Variants in A2M observed in about 807,000 individuals in gnomAD.
A2M encodes alpha-2-macroglobulin, also known as C3 and PZP-like alpha-2-macroglobulin domain-containing protein 5.
In A2M, 128 loss-of-function variants were observed where a neutral mutation model predicts 183.9. That is an observed-to-expected ratio of 0.70 (90% CI 0.60 to 0.81). A2M has a LOEUF of 0.81. Ranked by LOEUF, A2M falls within the 30% of genes least tolerant of loss-of-function variation. The pLI is 0.00. For synonymous variants in A2M, 592 were observed against 670.8 expected (o/e 0.88, Z 1.81); for missense variants, 1,495 against 1,787.6 (o/e 0.84, Z 2.95).
At chr12:9,067,928 G>T (rs1948444691) in intron 35 of A2M, 89 bp from the exon 36 acceptor site, 5 of 1,285,770 alleles carry the variant, frequency 3.9e-6, no homozygotes, top group Non-Finnish European at 5.6e-6. Context: ...GTAGCATAGT[G>T]CCCAAGGAAA....
At chr12:9,103,659 C>A (rs226392) in intron 11 of A2M, among the ~76,000 whole-genome samples, 1 of 151,980 alleles carries the variant, frequency 6.6e-6, no homozygotes, top group Non-Finnish European at 1.5e-5. Context: ...GTGAATCATA[C>A]AGTATTGGTC....
chr12:9,095,027 GTGGACACATTT>G lies in A2M; in HGVS notation c.2060_2070del (p.Lys687ThrfsTer6). 6.3e-7 allele frequency: 1 copy of G among 1,597,732 alleles called. No homozygotes were observed. Among genetic ancestry groups the G allele is most frequent in the Non-Finnish European group, 8.5e-7 (1 of 1,171,074 alleles). ...CCATGCATTTCATACTGTTGAAGCT[GTGGACACATTT>G]TGGGTTTACGAATCTTTGAGTTGGT... On this transcript the variant is annotated frameshift_variant, in exon 17 of 36. Transcript: ENST00000318602. LOFTEE classifies it high-confidence loss of function.
intron 15 of A2M, among the ~76,000 whole-genome samples, chr12:9,096,217 C>A (rs959343249): frequency 3.3e-5 from 5 of 152,098 alleles, no homozygotes; most frequent in Admixed American, 1.3e-4. Context: ...TTAGGAAAAA[C>A]CAAACACTCC....
chr12:9,087,049 A>G (rs1159014703), intron 22 of A2M, among the ~76,000 whole-genome samples: 1 of 152,234 alleles, frequency 6.6e-6, no homozygotes, highest in East Asian at 1.9e-4. Context: ...TATAAACAAT[A>G]TGTAGAAATA....
At chr12:9,087,520 A>T (rs1288626302) in intron 22 of A2M, among the ~76,000 whole-genome samples, 2 of 152,160 alleles carry the variant, frequency 1.3e-5, no homozygotes, top group African/African-American at 4.8e-5. Flanking sequence ...AGTAAAAGGA[A>T]GGTGGTGTTC....
intron 2 of A2M, chr12:9,112,813 T>C (rs1938841420): frequency 2.4e-6 from 1 of 409,222 alleles, no homozygotes; most frequent in South Asian, 3.1e-5. Flanking sequence ...AATTATACGC[T>C]GAGCTTTACC....
chr12:9,079,579 C>G, intron 24 of A2M, 60 bp downstream of exon 24: 1 of 1,499,350 alleles, frequency 6.7e-7, no homozygotes, highest in Non-Finnish European at 9.2e-7. Flanking sequence ...TAACTGAAAC[C>G]TACTGGGAAA....
chr12:9,091,494 A>C, intron 18 of A2M, 65 bp from the exon 19 acceptor site: 1 of 1,495,752 alleles, frequency 6.7e-7, no homozygotes, highest in African/African-American at 1.4e-5. Flanking sequence ...TAGGGAGAGA[A>C]TCCCTAGGAA....
intron 22 of A2M, among the ~76,000 whole-genome samples, chr12:9,085,004 C>A (rs1038153167): frequency 1.4e-4 from 22 of 152,036 alleles, no homozygotes; most frequent in African/African-American, 5.3e-4. Flanking sequence ...CTATACATAT[C>A]CAACATTGGA....
intron 22 of A2M, among the ~76,000 whole-genome samples, chr12:9,084,899 C>T (rs1432366641): frequency 6.6e-6 from 1 of 151,984 alleles, no homozygotes. Context: ...TTCAACAAAA[C>T]AGACTTAAAG....
intron 29 of A2M, 39 bp downstream of exon 29, chr12:9,074,521 A>G: frequency 6.5e-7 from 1 of 1,534,162 alleles, no homozygotes; most frequent in South Asian, 1.2e-5. Flanking sequence ...ATCTTTTGCT[A>G]CCTGAAGGTG....
chr12:9,104,369 A>G lies in A2M; in HGVS notation c.1136T>C (p.Ile379Thr). 1 of 1,599,236 alleles carries G rather than the reference A, an allele frequency of 6.3e-7. No homozygotes were observed. The highest frequency in any genetic ancestry group is 8.5e-7 in the Non-Finnish European group (1 of 1,172,030). The change falls in exon 11 of 36, where the codon ATA becomes ACA. Residue 379 changes from isoleucine (I) to threonine (T), a missense_variant. Transcript: ENST00000318602. Reference protein sequence around the residue: ...VRLVDGKGVPIPNKVIFIRGN... With the variant: ...VRLVDGKGVPTPNKVIFIRGN... The stretch of plus-strand genomic sequence containing the variant: ...TCTGATGAATATGACTTTATTTGGT[A>G]TAGGGACGCCTTTCCCATCTACTAG...
intron 35 of A2M, 32 bp downstream of exon 35, chr12:9,068,151 G>A (rs1412139125): frequency 6.2e-7 from 1 of 1,612,012 alleles, no homozygotes; most frequent in Non-Finnish European, 8.5e-7. Flanking sequence ...AAGGAGCTCT[G>A]ACTGCCTTTT....
rs756137709 is a variant in A2M at position 9,074,508 on chromosome 12, C to A, written c.3756+52G>T. 26 of 1,499,032 alleles carry A rather than the reference C, an allele frequency of 1.7e-5. 1 individual carries two copies. In the South Asian group the frequency reaches 2.9e-4, roughly 17 times the overall value. 92.9% of individuals were successfully genotyped at this position (1,499,032 alleles called of 1,614,324 possible). A position where few individuals can be genotyped will look rare whatever the true frequency, so the allele number is the denominator to read the frequency against. ...TGGATGTGTTTGTTTCTTTTTCATTCAAATCTTTTGCTACCTGAAGGTGAA... is the reference window on the plus strand; with the variant it reads ...TGGATGTGTTTGTTTCTTTTTCATTAAAATCTTTTGCTACCTGAAGGTGAA... On this transcript the variant is annotated intron_variant, in intron 29 of 35. Transcript: ENST00000318602.
chr12:9,069,934 T>C, intron 32 of A2M, 121 bp from the exon 33 acceptor site: 2 of 797,916 alleles, frequency 2.5e-6, no homozygotes, highest in African/African-American at 3.4e-5. Flanking sequence ...ATGCTTTTTG[T>C]AAGGAAATAT....
intron 22 of A2M, among the ~76,000 whole-genome samples, chr12:9,081,983 A>G (rs184665327): frequency 1.3e-5 from 2 of 152,318 alleles, no homozygotes; most frequent in East Asian, 1.9e-4. Flanking sequence ...GGGAAGTTCA[A>G]CCTAGCTTGA....
Position 9,104,351 on chromosome 12 carries a change from A to C in A2M, c.1154T>G (p.Phe385Cys). The C allele has an allele frequency of 1.2e-6, 2 of 1,606,762 alleles. No individual in the cohort carries two copies. Among genetic ancestry groups the C allele is most frequent in the South Asian group, 2.2e-5 (2 of 89,548 alleles). ...ATAGTTTGCTTCATTTCCTCTGATG[A>C]ATATGACTTTATTTGGTATAGGGAC... ...KGVPIPNKVI[F>C]IRGNEANYYS... Residue 385 changes from phenylalanine to cysteine, a missense_variant, in exon 11 of 36, where the codon TTC becomes TGC. Physicochemically the swap from Phe to Cys is radical, Grantham distance 205. Transcript: ENST00000318602.
intron 13 of A2M, 34 bp from the exon 14 acceptor site, chr12:9,099,557 T>C (rs764722014): frequency 1.8e-5 from 28 of 1,586,438 alleles, no homozygotes; most frequent in Non-Finnish European, 2.2e-5. Context: ...GAAGCCATCA[T>C]AGGTTAATGA....
intron 4 of A2M, 184 bp downstream of exon 4, chr12:9,111,971 CAGAA>C (rs1439784385): frequency 2.6e-6 from 2 of 760,468 alleles, no homozygotes; most frequent in Admixed American, 3.5e-5. Flanking sequence ...AGCACCAAGA[CAGAA>C]AGAATTACCT....
Sources: allele counts gnomAD v4.1 joint callset (sites outside exome capture counted in the v4.1 genomes callset), GRCh38; gene constraint gnomAD v4.1.1; transcripts MANE v1.5; gene names NCBI Gene and HGNC (gene_info 2026-07-23, HGNC 2026-07-21).